KCNH4: variants seen among roughly 807,000 people sequenced by gnomAD.
KCNH4 encodes potassium voltage-gated channel subfamily H member 4, also known as voltage-gated delayed rectifier potassium channel KCNH4.
In KCNH4, 33 loss-of-function variants were observed where a neutral mutation model predicts 90.7. The ratio of observed to expected loss-of-function variants is 0.36; its 90% CI spans 0.28 to 0.49. The LOEUF (loss-of-function observed/expected upper bound fraction) is 0.49, where lower values mean the gene tolerates loss of function less well. KCNH4 is among the 20% of genes least tolerant of loss of function. The pLI, the probability that KCNH4 is intolerant of heterozygous loss-of-function variation, is 0.98. For synonymous variants in KCNH4, 551 were observed against 581.7 expected (o/e 0.95, Z 0.76); for missense variants, 1,044 against 1,387.1 (o/e 0.75, Z 3.93).
chr17:42,176,845 C>A (rs2079865667), intron 4 of KCNH4, among the ~76,000 whole-genome samples: 1 of 151,968 alleles, frequency 6.6e-6, no homozygotes, highest in Non-Finnish European at 1.5e-5. Context: ...TTGAACCAAT[C>A]ATGTCTTGTC....
intron 9 of KCNH4, among the ~76,000 whole-genome samples, chr17:42,168,864 C>A (rs930746062): frequency 6.6e-6 from 1 of 151,650 alleles, no homozygotes; most frequent in African/African-American, 2.4e-5. Context: ...CTCCGCCTCC[C>A]GGGTTCATGC....
At position 42,169,503 on chromosome 17, in the gene KCNH4, C is replaced by T. The variant is rs751569305; in HGVS notation, c.1564G>A (p.Val522Ile). ...TCGTTGGCGTCGATGCCGCTGTTGA[C>T]GGCCCACGTGGTCTGGAAGTATTCG... ...MLEYFQTTWA[V>I]NSGIDANELL... The change falls in exon 9 of 17, where the codon GTC (valine) becomes ATC (isoleucine). Residue 522 changes from valine (V) to isoleucine (I), a missense_variant. Val to Ile is a conservative substitution (Grantham distance 29). Coordinates refer to ENST00000264661, the MANE Select transcript of KCNH4 (RefSeq NM_012285.3). 28 of 1,612,994 alleles carry T rather than the reference C, an allele frequency of 1.7e-5. No homozygotes were observed. The highest frequency in any genetic ancestry group is 7.7e-5 in the South Asian group (7 of 91,088).
At position 42,163,199 on chromosome 17, in the gene KCNH4, C is replaced by G. The variant is rs748071039; in HGVS notation, c.2584+29G>C. The G allele has an allele frequency of 6.9e-7, 1 of 1,442,672 alleles. No homozygotes were observed. Among genetic ancestry groups the G allele is most frequent in the East Asian group, 2.3e-5 (1 of 44,058 alleles). 89.4% of individuals were successfully genotyped at this position (1,442,672 alleles called of 1,614,324 possible). On this transcript the variant is annotated intron_variant, in intron 14 of 16. Transcript: ENST00000264661. The surrounding 1 kb of genome is among the most constrained non-coding windows in gnomAD (Gnocchi z 5.4). ...GACAGGTGGATGGGCAGATGGATGACGGGGTTGAAGTCCACTGTTGGCCCT... is the reference window on the plus strand; with the variant it reads ...GACAGGTGGATGGGCAGATGGATGAGGGGGTTGAAGTCCACTGTTGGCCCT...
intron 7 of KCNH4, among the ~76,000 whole-genome samples, chr17:42,170,657 A>T (rs1346768761): frequency 6.6e-6 from 1 of 152,188 alleles, no homozygotes; most frequent in African/African-American, 2.4e-5. Context: ...TACAGGTGGG[A>T]GGTGAGCTCC....
rs758812880 is a variant in KCNH4, at chr17:42,160,016, A to T, written c.*24T>A. 5 of 1,483,110 alleles carry T rather than the reference A, an allele frequency of 3.4e-6. No homozygotes were observed. Among genetic ancestry groups the T allele is most frequent in the Non-Finnish European group, 4.5e-6 (5 of 1,114,864 alleles). 91.9% of individuals were successfully genotyped at this position (1,483,110 alleles called of 1,614,324 possible). A position where few individuals can be genotyped will look rare whatever the true frequency, so the allele number is the denominator to read the frequency against. ...TGGTGAGCGGCAGCGCCCACCCCAG[A>T]CAGGCCTGGGCCCTGGGCCAGGGTC... On this transcript the variant is annotated 3_prime_UTR_variant, in exon 16 of 17. Coordinates refer to ENST00000264661, the MANE Select transcript of KCNH4 (RefSeq NM_012285.3).
In KCNH4 at chr17:42,163,266, G is replaced by A. The variant is rs2079761279; in HGVS notation, c.2546C>T (p.Pro849Leu). ...EAPSFRFSRR[P>L]ELPRPRSQAP... ...CTGGGAGCGGGGCCTTGGCAGTTCA[G>A]GCCTCCTGCTGAATCGGAATGAAGG... The change falls in exon 14 of 17, where the codon CCT becomes CTT. Residue 849 changes from proline to leucine, a missense_variant. Pro to Leu is a moderately conservative substitution (Grantham distance 98). This residue lies in a region of KCNH4 where 441 missense variants were observed against 512.3 expected (regional missense o/e 0.86). Transcript: ENST00000264661. The surrounding 1 kb of genome is among the most constrained non-coding windows in gnomAD (Gnocchi z 5.4). 5 of 1,613,972 alleles carry A rather than the reference G, an allele frequency of 3.1e-6. No individual in the cohort carries two copies. The highest frequency in any genetic ancestry group is 4.2e-6 in the Non-Finnish European group (5 of 1,179,990).
Position 42,165,554 on chromosome 17 carries a change from T to G in KCNH4, c.1980A>C (p.Arg660=). ...AGAGCCTCAGGACCTCAGCCAGCCC[T>G]CGGCTGCTCAGCTGCTGCAGGCCAC... The part of the protein sequence containing the change: ...TYCGLQQLSS[R]GLAEVLRLYP... The change falls in exon 11 of 17, where the codon CGA becomes CGC. Residue 660 remains arginine, a synonymous_variant. Coordinates refer to ENST00000264661, the MANE Select transcript of KCNH4 (RefSeq NM_012285.3). 1.2e-6 allele frequency: 2 copies of G among 1,614,196 alleles called. No homozygotes were observed. Among genetic ancestry groups the G allele is most frequent in the Non-Finnish European group, 1.7e-6 (2 of 1,180,028 alleles).
chr17:42,158,179 C>T lies in KCNH4; in HGVS notation c.*310-1061G>A, dbSNP rs557554307. Among the ~76,000 whole-genome samples the T allele has an allele frequency of 3.5e-3, 532 of 151,894 alleles. 4 individuals are homozygous for T. The highest frequency in any genetic ancestry group is 0.012 in the African/African-American group (500 of 41,458). ...CAGACCTCAGGTAATCCACCTGCCTCGGCCTCCCAAAGTGCTGGGATTACA... is the reference window on the plus strand; with the variant it reads ...CAGACCTCAGGTAATCCACCTGCCTTGGCCTCCCAAAGTGCTGGGATTACA... On this transcript the variant is annotated intron_variant, in intron 16 of 16. Transcript: ENST00000264661.
intron 7 of KCNH4, among the ~76,000 whole-genome samples, chr17:42,171,078 C>A (rs934472005): frequency 1.3e-5 from 2 of 151,982 alleles, no homozygotes; most frequent in Admixed American, 6.6e-5. Flanking sequence ...TGGGAAGCCA[C>A]TGAAGGAATC....
At chr17:42,170,949 G>A (rs1358468955) in intron 7 of KCNH4, among the ~76,000 whole-genome samples, 1 of 152,222 alleles carries the variant, frequency 6.6e-6, no homozygotes, top group Non-Finnish European at 1.5e-5. Flanking sequence ...TGGGTCCAGG[G>A]GAGAGGCTGG....
chr17:42,160,003 G>A lies in KCNH4; in HGVS notation c.*37C>T. 3 of 1,460,228 alleles carry A rather than the reference G, an allele frequency of 2.1e-6. No individual in the cohort carries two copies. Among genetic ancestry groups the A allele is most frequent in the South Asian group, 3.0e-5 (2 of 65,592 alleles). 90.5% of individuals were successfully genotyped at this position (1,460,228 alleles called of 1,614,324 possible). A position where few individuals can be genotyped will look rare whatever the true frequency, so the allele number is the denominator to read the frequency against. ...GGTCCTCCCTGAGTGGTGAGCGGCA[G>A]CGCCCACCCCAGACAGGCCTGGGCC... On this transcript the variant is annotated 3_prime_UTR_variant, in exon 16 of 17. Coordinates refer to ENST00000264661, the MANE Select transcript of KCNH4 (RefSeq NM_012285.3).
intron 9 of KCNH4, among the ~76,000 whole-genome samples, chr17:42,166,999 T>C (rs980860342): frequency 1.1e-4 from 17 of 152,198 alleles, no homozygotes; most frequent in Admixed American, 7.9e-4. Context: ...TGACCTCTTA[T>C]GGCCACACTG....
At chr17:42,172,588 C>T (rs1273082018) in intron 6 of KCNH4, among the ~76,000 whole-genome samples, 1 of 144,946 alleles carries the variant, frequency 6.9e-6, no homozygotes. Flanking sequence ...CACACTTATA[C>T]CTTTAGTTCA....
chr17:42,169,708 G>A (rs141400163), intron 8 of KCNH4, 32 bp from the exon 9 acceptor site: 644 of 1,606,146 alleles, frequency 4.0e-4, no homozygotes, highest in Non-Finnish European at 5.0e-4. Flanking sequence ...TGTCAGGGGC[G>A]GCCACCCCTC....
chr17:42,159,471 C>T (rs1389820763), intron 16 of KCNH4, among the ~76,000 whole-genome samples: 2 of 152,046 alleles, frequency 1.3e-5, no homozygotes, highest in Non-Finnish European at 2.9e-5. Context: ...TCATGGTGGG[C>T]GGCCTAAGAA....
rs1268509454 is a variant in KCNH4, at chr17:42,159,920, A to C, written c.*120T>G. 1 of 692,956 alleles carries C rather than the reference A, an allele frequency of 1.4e-6. No individual in the cohort carries two copies. Among genetic ancestry groups the C allele is most frequent in the East Asian group, 3.1e-5 (1 of 32,614 alleles). The allele number at this position is 692,956 out of a possible 1,614,324, so 42.9% of individuals were successfully genotyped here. ...GCTTCATTAAAAAGTCCAGAAATCC[A>C]GAGCCAACCAGGCCAGCTGGTGGCT... On this transcript the variant is annotated 3_prime_UTR_variant, in exon 16 of 17. Coordinates refer to ENST00000264661, the MANE Select transcript of KCNH4 (RefSeq NM_012285.3).
intron 14 of KCNH4, among the ~76,000 whole-genome samples, chr17:42,162,998 CCA>C (rs982767435): frequency 3.3e-5 from 5 of 152,336 alleles, no homozygotes; most frequent in African/African-American, 7.2e-5. Context: ...TCCTCTTCTA[CCA>C]CAGAGTCCTG....
chr17:42,160,358 C>G lies in KCNH4; in HGVS notation c.2736G>C (p.Leu912=). ...RHIMGLLQAR[L]GPPGHPAGSA... ...AGCCTGCTGGGTGGCCTGGGGGACC[C>G]AGCCTGGCCTGCAGCAGGCCCATGA... Residue 912 remains leucine, a synonymous_variant, in exon 16 of 17, where the codon CTG becomes CTC. Transcript: ENST00000264661. 6.2e-7 allele frequency: 1 copy of G among 1,614,058 alleles called. No homozygotes were observed. Among genetic ancestry groups the G allele is most frequent in the Non-Finnish European group, 8.5e-7 (1 of 1,179,994 alleles).
chr17:42,163,568 T>A lies in KCNH4; in HGVS notation c.2477+38A>T, dbSNP rs764148810. The A allele has an allele frequency of 1.3e-5, 13 of 968,844 alleles. No individual in the cohort carries two copies. The East Asian group carries it at 3.2e-4, about 24-fold the overall frequency. The allele number at this position is 968,844 out of a possible 1,614,324, so 60.0% of individuals were successfully genotyped here. ...GCCCAGAGAAGGTTCTGGAAGCCAA[T>A]AGGGGTTTTGGGAAAGCAGGGGAGG... On this transcript the variant is annotated intron_variant, in intron 13 of 16. Transcript: ENST00000264661. This position sits in a 1 kb window ranked among gnomAD's most constrained non-coding sequence, Gnocchi z 5.4.
Sources: allele counts gnomAD v4.1 joint callset (sites outside exome capture counted in the v4.1 genomes callset), GRCh38; gene constraint gnomAD v4.1.1; regional missense constraint gnomAD v4.1.1; non-coding constraint Gnocchi (gnomAD v3.1); transcripts MANE v1.5; gene names NCBI Gene and HGNC (gene_info 2026-07-23, HGNC 2026-07-21).